The following STK3 variants were observed in gnomAD, a reference collection of about 807,000 sequenced individuals.
STK3 encodes the protein serine/threonine-protein kinase 3.
In STK3, 41 loss-of-function variants were observed where a neutral mutation model predicts 58.0. The ratio of observed to expected loss-of-function variants is 0.71; its 90% CI spans 0.55 to 0.92. The LOEUF (loss-of-function observed/expected upper bound fraction) is 0.92, where lower values mean the gene tolerates loss of function less well. STK3 is among the 40% of genes least tolerant of loss of function. STK3 has a pLI of 0.00. For synonymous variants in STK3, 170 were observed against 191.0 expected, an observed-to-expected ratio of 0.89 and a Z score of 0.91; for missense variants, 479 against 602.7, an observed-to-expected ratio of 0.79 and a Z score of 2.15.
chr8:98,438,652 G>A (rs1171168008), intron 1 of STK3: 1 of 152,288 alleles, frequency 6.6e-6, no homozygotes, highest in Non-Finnish European at 1.5e-5. Flanking sequence ...GCATATGTGT[G>A]TGTGTGCCGG....
chr8:98,904,985 G>A, intron 1 of STK3: 1 of 742,810 alleles, frequency 1.3e-6, no homozygotes, highest in South Asian at 1.3e-5. Flanking sequence ...CGTAAGAGCA[G>A]ACCCAGTATC....
intron 3 of STK3, among the ~76,000 whole-genome samples, chr8:98,839,127 G>A (rs1451933881): frequency 2.0e-5 from 3 of 151,816 alleles, no homozygotes; most frequent in East Asian, 1.9e-4. Context: ...GCTCACTGCA[G>A]CCTCAAATTC....
intron 3 of STK3, among the ~76,000 whole-genome samples, chr8:98,395,318 A>C (rs1185470988): frequency 3.3e-5 from 5 of 152,210 alleles, no homozygotes; most frequent in Non-Finnish European, 7.3e-5. Flanking sequence ...CAGATTTTAC[A>C]TGGTTTAATT....
intron 6 of STK3, among the ~76,000 whole-genome samples, chr8:98,699,012 G>A (rs2131013616): frequency 6.6e-6 from 1 of 152,338 alleles, no homozygotes; most frequent in East Asian, 1.9e-4. Context: ...GTGAGATGAA[G>A]ATCTGGTCTT....
chr8:98,593,338 T>G (rs916027253), intron 7 of STK3, among the ~76,000 whole-genome samples: 2 of 152,230 alleles, frequency 1.3e-5, no homozygotes, highest in African/African-American at 4.8e-5. Flanking sequence ...TAAATATTGT[T>G]TCTTTGTTTA....
At chr8:98,710,613 C>G (rs901016970) in intron 4 of STK3, among the ~76,000 whole-genome samples, 4 of 152,346 alleles carry the variant, frequency 2.6e-5, no homozygotes, top group Non-Finnish European at 5.9e-5. Flanking sequence ...TGCCATTGCC[C>G]AGGCTTGAGT....
intron 10 of STK3, among the ~76,000 whole-genome samples, chr8:98,477,797 G>C (rs1295680065): frequency 7.0e-6 from 1 of 143,518 alleles, no homozygotes; most frequent in African/African-American, 2.6e-5. Flanking sequence ...GTCTGTTTCA[G>C]GGCATCTCAG....
chr8:98,586,390 G>A (rs1000081065), intron 7 of STK3, among the ~76,000 whole-genome samples: 1 of 151,498 alleles, frequency 6.6e-6, no homozygotes, highest in African/African-American at 2.4e-5. Context: ...TTTATATGCT[G>A]GATTACATTT....
At chr8:98,825,933 C>A (rs1395107979), upstream of STK3, among the ~76,000 whole-genome samples, 1 of 147,620 alleles carries the variant, frequency 6.8e-6, no homozygotes, top group African/African-American at 2.4e-5. Flanking sequence ...AGCCGGGCAC[C>A]GCGGCGGGGG....
At chr8:98,905,509 A>G (rs1838862313) in intron 1 of STK3, 2 of 1,126,346 alleles carry the variant, frequency 1.8e-6, no homozygotes, top group Non-Finnish European at 2.7e-6. Flanking sequence ...TAATGATGCA[A>G]GTTGTGTATG....
Position 98,529,035 on chromosome 8 carries a change from T to C in STK3, c.1142-2118A>G, listed in dbSNP as rs143735096. On this transcript the variant is annotated intron_variant, in intron 9 of 10. Coordinates refer to ENST00000419617, the MANE Select transcript of STK3 (RefSeq NM_006281.4). Reference sequence around the variant, plus strand: ...TGTTCCTCTAAAAAGAAACATAATATTCATAACAGTTATCTGACCAACCTA... The same window carrying C: ...TGTTCCTCTAAAAAGAAACATAATACTCATAACAGTTATCTGACCAACCTA... Among the ~76,000 whole-genome samples, 551 of 152,314 alleles carry C rather than the reference T, an allele frequency of 3.6e-3. 5 individuals are homozygous for C. The highest frequency in any genetic ancestry group is 6.5e-3 in the Non-Finnish European group (444 of 68,026).
At chr8:98,419,087 A>T (rs1226830097) in intron 3 of STK3, among the ~76,000 whole-genome samples, 1 of 152,172 alleles carries the variant, frequency 6.6e-6, no homozygotes, top group Non-Finnish European at 1.5e-5. Context: ...CTGGCTAGGT[A>T]CGGTGGCTCA....
chr8:98,905,283 G>A (rs1039301676), intron 1 of STK3: 12 of 825,922 alleles, frequency 1.5e-5, no homozygotes, highest in Admixed American at 3.4e-5. Flanking sequence ...GGCCCCTGAC[G>A]GTCTCACTGC....
At chr8:98,574,141 G>A (rs1813197402) in intron 8 of STK3, among the ~76,000 whole-genome samples, 1 of 152,120 alleles carries the variant, frequency 6.6e-6, no homozygotes, top group Non-Finnish European at 1.5e-5. Context: ...ATAGGAACCA[G>A]AAAAGTAACA....
chr8:98,898,787 C>T (rs377097856), intron 1 of STK3, among the ~76,000 whole-genome samples: 1 of 152,142 alleles, frequency 6.6e-6, no homozygotes, highest in East Asian at 1.9e-4. Flanking sequence ...TAGTGTTCCT[C>T]CAGTATTTAA....
At chr8:98,907,997 C>G (rs1266644696) in intron 1 of STK3, among the ~76,000 whole-genome samples, 1 of 152,180 alleles carries the variant, frequency 6.6e-6, no homozygotes, top group Non-Finnish European at 1.5e-5. Flanking sequence ...CCTCTACTCC[C>G]CTTTATCTCC....
chr8:98,659,584 G>A (rs1020865122), intron 6 of STK3, among the ~76,000 whole-genome samples: 1 of 151,668 alleles, frequency 6.6e-6, no homozygotes, highest in South Asian at 2.1e-4. Flanking sequence ...CCTTGAGGCA[G>A]CATTAGGTGC....
rs60632558 is a variant in STK3 at position 98,856,155 on chromosome 8, CAAA to C, written c.110+27489_110+27491del. ...GGGCGAAAAGAGAGAGACTCCATCT[CAAA>C]AAAAAAAAAAAAAAAAAAAGGCCAT... On this transcript the variant is annotated intron_variant, in intron 3 of 12. Coordinates refer to the STK3 transcript ENST00000523601. Among the ~76,000 whole-genome samples, 7 of 54,052 alleles carry C rather than the reference CAAA, an allele frequency of 1.3e-4. No homozygotes were observed. In the South Asian group the frequency reaches 2.4e-3, roughly 18 times the overall value. The allele number at this position is 54,052 out of a possible 152,430, so 35.5% of individuals were successfully genotyped here.
At chr8:98,478,780 G>C (rs1821590255) in intron 10 of STK3, among the ~76,000 whole-genome samples, 1 of 152,114 alleles carries the variant, frequency 6.6e-6, no homozygotes, top group Non-Finnish European at 1.5e-5. Context: ...AGGTGGCATA[G>C]GTGGCTCCCT....
Sources: allele counts gnomAD v4.1 joint callset (sites outside exome capture counted in the v4.1 genomes callset), GRCh38; gene constraint gnomAD v4.1.1; transcripts MANE v1.5; gene names NCBI Gene and HGNC (gene_info 2026-07-23, HGNC 2026-07-21).